The following AGBL1 variants were observed in gnomAD, a reference collection of about 807,000 sequenced individuals.
The protein encoded by AGBL1 is cytosolic carboxypeptidase 4.
Under a neutral mutation model 118.9 loss-of-function variants are expected in AGBL1, and 130 were observed. The ratio of observed to expected loss-of-function variants is 1.09; its 90% CI spans 0.95 to 1.26. The LOEUF (loss-of-function observed/expected upper bound fraction) is 1.26. Ranked by LOEUF, AGBL1 falls within the 50% of genes most tolerant of loss-of-function variation. AGBL1 has a pLI of 0.00. For synonymous variants in AGBL1, 555 were observed against 478.9 expected, an observed-to-expected ratio of 1.16 and a Z score of -2.08; for missense variants, 1,584 against 1,298.1, an observed-to-expected ratio of 1.22 and a Z score of -3.38.
chr15:87,015,956 A>G (rs778515899), intron 24 of AGBL1, among the ~76,000 whole-genome samples: 9 of 152,108 alleles, frequency 5.9e-5, no homozygotes, highest in Admixed American at 2.0e-4. Flanking sequence ...TGATACACAT[A>G]AGCAGCTGTT....
At chr15:86,304,589 A>G (rs1866581385) in intron 17 of AGBL1, among the ~76,000 whole-genome samples, 3 of 152,194 alleles carry the variant, frequency 2.0e-5, no homozygotes, top group South Asian at 4.1e-4. Flanking sequence ...TGTTTATTCA[A>G]CAAGTAAGTG....
chr15:86,899,232 G>T (rs1443043473), intron 22 of AGBL1, among the ~76,000 whole-genome samples: 3 of 152,202 alleles, frequency 2.0e-5, no homozygotes, highest in African/African-American at 7.2e-5. Context: ...CATGTCTTTT[G>T]TGGGAACGTG....
chr15:86,696,930 A>G (rs1037852573), intron 22 of AGBL1, among the ~76,000 whole-genome samples: 2 of 151,920 alleles, frequency 1.3e-5, no homozygotes, highest in African/African-American at 2.4e-5. Flanking sequence ...TAGGGCCCCA[A>G]TCCTTTTTAG....
chr15:86,553,512 T>C (rs2083690803), intron 20 of AGBL1, among the ~76,000 whole-genome samples: 1 of 152,200 alleles, frequency 6.6e-6, no homozygotes, highest in Non-Finnish European at 1.5e-5. Context: ...GCTTAGAAGA[T>C]GAGACGAAAA....
rs190673911 is a variant in AGBL1 at position 86,476,856 on chromosome 15, A to G, written c.2556-45954A>G. 2.5e-3 allele frequency among the ~76,000 whole-genome samples: 380 copies of G among 152,330 alleles called. 1 individual carries two copies. The highest frequency in any genetic ancestry group is 8.7e-3 in the African/African-American group (361 of 41,578). On this transcript the variant is annotated intron_variant, in intron 18 of 22. Coordinates refer to ENST00000614907, the MANE Select transcript of AGBL1 (RefSeq NM_001386094.1). ...GTAAAGCACTCCTCAGCAAAAGTAA[A>G]AGAACAGAAATTATAACAAAGTGTC...
At chr15:86,874,731 T>C (rs1458502085) in intron 22 of AGBL1, among the ~76,000 whole-genome samples, 5 of 152,212 alleles carry the variant, frequency 3.3e-5, no homozygotes, top group Non-Finnish European at 7.3e-5. Context: ...TCAAATACTT[T>C]TAAATGTAAC....
At chr15:86,791,728 T>TTA (rs3059670) in intron 22 of AGBL1, among the ~76,000 whole-genome samples, 13,811 of 142,772 alleles carry the variant, frequency 0.097, 921 homozygotes, top group Admixed American at 0.18. Flanking sequence ...TCCTTGTTTT[T>TTA]TATATATATA....
At chr15:86,475,075 C>A (rs150943491) in intron 18 of AGBL1, among the ~76,000 whole-genome samples, 1 of 152,090 alleles carries the variant, frequency 6.6e-6, no homozygotes, top group South Asian at 2.1e-4. Context: ...CCCATCTGTA[C>A]GTCACCATCT....
At chr15:86,717,226 G>A (rs1297940217) in intron 22 of AGBL1, among the ~76,000 whole-genome samples, 1 of 152,082 alleles carries the variant, frequency 6.6e-6, no homozygotes. Context: ...GAGAAGGAGT[G>A]GGGTAGCACT....
chr15:87,021,922 C>A (rs1468981189), intron 24 of AGBL1, among the ~76,000 whole-genome samples: 1 of 152,118 alleles, frequency 6.6e-6, no homozygotes, highest in African/African-American at 2.4e-5. Flanking sequence ...ATGCCAAATA[C>A]TCTGCTGGTA....
Position 86,669,381 on chromosome 15 carries a change from AAG to A in AGBL1, c.2995-4890_2995-4889del, listed in dbSNP as rs202049531. On this transcript the variant is annotated intron_variant, in intron 21 of 22. Transcript: ENST00000614907. ...AATCAGAATTTACTACAGTGAAACA[AAG>A]AAATAGAAAATAAGAAAGTAAGGTT... is the stretch of plus-strand genomic sequence containing the variant. Among the ~76,000 whole-genome samples, 512 of 152,314 alleles carry A rather than the reference AAG, an allele frequency of 3.4e-3. 7 individuals are homozygous for A. The highest frequency in any genetic ancestry group is 0.012 in the African/African-American group (487 of 41,578).
At chr15:86,223,970 A>G (rs2078319199) in intron 5 of AGBL1, among the ~76,000 whole-genome samples, 3 of 152,156 alleles carry the variant, frequency 2.0e-5, no homozygotes, top group Non-Finnish European at 2.9e-5. Context: ...AGAGGTGTGC[A>G]GCGAGATTCC....
intron 22 of AGBL1, among the ~76,000 whole-genome samples, chr15:86,834,605 T>A (rs1478060906): frequency 2.0e-5 from 3 of 151,410 alleles, no homozygotes; most frequent in Non-Finnish European, 4.4e-5. Context: ...GGGAACACTG[T>A]ATCAGGCACC....
intron 7 of AGBL1, among the ~76,000 whole-genome samples, chr15:86,251,887 T>C (rs1014464820): frequency 4.7e-5 from 7 of 150,188 alleles, no homozygotes; most frequent in Non-Finnish European, 1.0e-4. Flanking sequence ...TTTGGAGAAA[T>C]AGGTAACTGC....
chr15:86,689,511 A>C (rs1386791318), intron 22 of AGBL1, among the ~76,000 whole-genome samples: 1 of 152,144 alleles, frequency 6.6e-6, no homozygotes, highest in Non-Finnish European at 1.5e-5. Context: ...CAAGCCTCTC[A>C]TCCTGTATTT....
chr15:86,941,491 A>G (rs2080751059), intron 23 of AGBL1, among the ~76,000 whole-genome samples: 1 of 152,236 alleles, frequency 6.6e-6, no homozygotes, highest in South Asian at 2.1e-4. Context: ...CGCCCAAGGA[A>G]GAGCCCTCTG....
chr15:86,524,227 A>G (rs2083230109), intron 19 of AGBL1, among the ~76,000 whole-genome samples: 1 of 152,224 alleles, frequency 6.6e-6, no homozygotes, highest in African/African-American at 2.4e-5. Flanking sequence ...CCTGCAACAT[A>G]GCCTCTCTTC....
chr15:86,358,339 A>G (rs1461547473), intron 17 of AGBL1, among the ~76,000 whole-genome samples: 1 of 152,108 alleles, frequency 6.6e-6, no homozygotes, highest in African/African-American at 2.4e-5. Flanking sequence ...AGGTTCATCC[A>G]TACTGTCATG....
At chr15:86,494,639 G>A (rs528028096) in intron 18 of AGBL1, among the ~76,000 whole-genome samples, 16 of 152,140 alleles carry the variant, frequency 1.1e-4, no homozygotes, top group Non-Finnish European at 1.5e-4. Flanking sequence ...AACATGAGCA[G>A]TTTATTTACT....
Sources: allele counts gnomAD v4.1 joint callset (sites outside exome capture counted in the v4.1 genomes callset), GRCh38; gene constraint gnomAD v4.1.1; transcripts MANE v1.5; gene names NCBI Gene and HGNC (gene_info 2026-07-23, HGNC 2026-07-21).